The following ITGA2 variants were observed in gnomAD, a reference collection of about 807,000 sequenced individuals.
ITGA2 encodes integrin alpha-2.
ITGA2 carries 101 observed loss-of-function variants against 146.3 expected under a neutral mutation model. That is an observed-to-expected ratio of 0.69 (90% confidence interval 0.59 to 0.81). The LOEUF is 0.81. Ranked by LOEUF, ITGA2 falls within the 40% of genes least tolerant of loss-of-function variation. The pLI, the probability that ITGA2 is intolerant of heterozygous loss-of-function variation, is 0.00. For synonymous variants in ITGA2, 477 were observed against 487.1 expected (o/e 0.98, Z 0.27); for missense variants, 1,281 against 1,402.7 (o/e 0.91, Z 1.39).
intron 1 of ITGA2, among the ~76,000 whole-genome samples, chr5:53,007,588 T>G (rs1367001980): frequency 2.0e-5 from 3 of 152,120 alleles, no homozygotes; most frequent in Admixed American, 6.6e-5. Context: ...GAAAGTGACT[T>G]CATGAGATGG....
At chr5:53,087,095 C>G (rs2303120) in intron 28 of ITGA2, 54 bp downstream of exon 28, 143 of 1,231,732 alleles carry the variant, frequency 1.2e-4, no homozygotes, top group Admixed American at 2.7e-4. Flanking sequence ...TGGCATTCCA[C>G]TTCTAAAAGC....
intron 1 of ITGA2, among the ~76,000 whole-genome samples, chr5:53,022,151 T>C (rs979658511): frequency 6.6e-6 from 1 of 152,248 alleles, no homozygotes; most frequent in African/African-American, 2.4e-5. Context: ...TGTTTTGTTT[T>C]ATACATTATT....
chr5:53,000,944 C>T (rs1226303516), intron 1 of ITGA2, among the ~76,000 whole-genome samples: 1 of 131,228 alleles, frequency 7.6e-6, no homozygotes, highest in Non-Finnish European at 1.6e-5. Flanking sequence ...CTCTGTTGTC[C>T]AGGCTGGAGT....
intron 2 of ITGA2, among the ~76,000 whole-genome samples, chr5:53,030,110 C>T (rs528746415): frequency 4.6e-5 from 7 of 152,274 alleles, no homozygotes; most frequent in Non-Finnish European, 5.9e-5. Flanking sequence ...TTGAACAAGA[C>T]GAAAAGGGAC....
intron 1 of ITGA2, among the ~76,000 whole-genome samples, chr5:53,020,805 C>T (rs1161290067): frequency 2.6e-5 from 4 of 151,528 alleles, no homozygotes; most frequent in Non-Finnish European, 5.9e-5. Flanking sequence ...CCTCAGCCTC[C>T]CGAGTAGCTG....
intron 25 of ITGA2, among the ~76,000 whole-genome samples, 188 bp from the exon 26 acceptor site, chr5:53,081,404 C>T (rs527800746): frequency 1.1e-4 from 16 of 152,300 alleles, no homozygotes; most frequent in South Asian, 4.1e-4. Flanking sequence ...CAGTTCACAT[C>T]AGGAGCATTT....
chr5:53,048,847 T>G, intron 6 of ITGA2, 77 bp downstream of exon 6: 1 of 1,511,764 alleles, frequency 6.6e-7, no homozygotes, highest in Non-Finnish European at 9.1e-7. Context: ...AAGTCTTAAT[T>G]TTTGTATTTG....
Position 53,024,490 on chromosome 5 carries a change from A to G in ITGA2, c.65-2258A>G, listed in dbSNP as rs79656039. ...GTGCTGAGAAAGTAAGAGTGAATAA[A>G]AGAAACAAGGTTTGACTTCTCAAGG... On this transcript the variant is annotated intron_variant, in intron 1 of 29. Transcript: ENST00000296585. Among the ~76,000 whole-genome samples, 833 of 152,346 alleles carry G rather than the reference A, an allele frequency of 5.5e-3. 5 individuals are homozygous for G. The highest frequency in any genetic ancestry group is 0.019 in the African/African-American group (801 of 41,568).
At chr5:53,005,016 GGTGAT>G (rs1283354407) in intron 1 of ITGA2, among the ~76,000 whole-genome samples, 1 of 141,336 alleles carries the variant, frequency 7.1e-6, no homozygotes, top group Non-Finnish European at 1.5e-5. Context: ...GATTTCCTGT[GGTGAT>G]GTATGTGTTC....
intron 1 of ITGA2, among the ~76,000 whole-genome samples, chr5:52,997,933 T>A (rs993651358): frequency 6.6e-6 from 1 of 152,230 alleles, no homozygotes; most frequent in African/African-American, 2.4e-5. Flanking sequence ...GGGGCACTTT[T>A]ATGTAATCTT....
chr5:53,090,014 A>G lies in ITGA2; in HGVS notation c.3417A>G (p.Ile1139Met). The G allele has an allele frequency of 6.2e-7, 1 of 1,613,468 alleles. No homozygotes were observed. The highest frequency in any genetic ancestry group is 8.5e-7 in the Non-Finnish European group (1 of 1,179,436). ...EVPTGVIIGS[I>M]IAGILLLLAL... is the part of the protein sequence containing the mutation. ...CAACAGGAGTTATAATAGGAAGTAT[A>G]ATTGCTGGAATCCTTTTGCTGTTAG... The change falls in exon 29 of 30, where the codon ATA becomes ATG. Residue 1139 changes from isoleucine (I) to methionine (M), a missense_variant. Physicochemically the swap from Ile to Met is conservative, Grantham distance 10. This residue lies in a region of ITGA2 where 475 missense variants were observed against 530.5 expected (regional missense o/e 0.90). Coordinates refer to ENST00000296585, the MANE Select transcript of ITGA2 (RefSeq NM_002203.4).
At chr5:53,020,721 A>T (rs1341462330) in intron 1 of ITGA2, among the ~76,000 whole-genome samples, 1 of 150,894 alleles carries the variant, frequency 6.6e-6, no homozygotes, top group Non-Finnish European at 1.5e-5. Context: ...TCACTCTGTC[A>T]CCCAGGCTGG....
intron 7 of ITGA2, among the ~76,000 whole-genome samples, chr5:53,051,789 G>A (rs1744382103): frequency 6.6e-6 from 1 of 152,112 alleles, no homozygotes; most frequent in Non-Finnish European, 1.5e-5. Flanking sequence ...GATATCACAT[G>A]ATATTTAAAT....
At chr5:53,056,975 A>G (rs1196241568) in intron 9 of ITGA2, among the ~76,000 whole-genome samples, 1 of 151,996 alleles carries the variant, frequency 6.6e-6, no homozygotes, top group Non-Finnish European at 1.5e-5. Flanking sequence ...TTATTCATTC[A>G]TATACTCAAA....
intron 13 of ITGA2, among the ~76,000 whole-genome samples, chr5:53,063,509 G>A (rs1744997271): frequency 6.6e-6 from 1 of 150,946 alleles, no homozygotes; most frequent in Non-Finnish European, 1.5e-5. Context: ...TTTCCAATTT[G>A]TGGACTGAAC....
At chr5:53,051,339 T>C (rs1744350263) in intron 6 of ITGA2, 72 bp from the exon 7 acceptor site, 2 of 1,517,812 alleles carry the variant, frequency 1.3e-6, no homozygotes, top group Non-Finnish European at 9.1e-7. Flanking sequence ...TTTTGATTTT[T>C]ATTTTATTGG....
intron 28 of ITGA2, among the ~76,000 whole-genome samples, chr5:53,088,685 CAAA>C (rs5867861): frequency 3.8e-5 from 4 of 105,878 alleles, no homozygotes; most frequent in Admixed American, 9.4e-5. Context: ...GACTCTGTCT[CAAA>C]AAAAAAAAAA....
In ITGA2 at chr5:53,038,952, G is replaced by A. The variant is rs143104357; in HGVS notation, c.186-3160G>A. 8.3e-4 allele frequency among the ~76,000 whole-genome samples: 127 copies of A among 152,186 alleles called. 1 individual carries two copies. Among genetic ancestry groups the A allele is most frequent in the African/African-American group, 2.9e-3 (121 of 41,538 alleles). On this transcript the variant is annotated intron_variant, in intron 2 of 29. Transcript: ENST00000296585. Reference sequence around the variant, plus strand: ...TTAAAAAAGTGCAAAAGATAGCTGGGCATAGTGGTACATGTCTATAATCCC... The same window carrying A: ...TTAAAAAAGTGCAAAAGATAGCTGGACATAGTGGTACATGTCTATAATCCC...
Position 53,094,078 on chromosome 5 carries a change from T to C in ITGA2, c.*3479T>C, listed in dbSNP as rs1023277114. The C allele has an allele frequency of 6.6e-6, 1 of 152,626 alleles. No individual in the cohort carries two copies. Among genetic ancestry groups the C allele is most frequent in the Non-Finnish European group, 1.5e-5 (1 of 68,022 alleles). 9.5% of individuals were successfully genotyped at this position (152,626 alleles called of 1,614,324 possible). On this transcript the variant is annotated 3_prime_UTR_variant, in exon 30 of 30. Transcript: ENST00000296585. ...TAATGTATTTACCTGTCCTGATATA[T>C]AGCTATAACCCAATATATGAAAATC...
Sources: allele counts gnomAD v4.1 joint callset (sites outside exome capture counted in the v4.1 genomes callset), GRCh38; gene constraint gnomAD v4.1.1; regional missense constraint gnomAD v4.1.1; transcripts MANE v1.5; gene names NCBI Gene and HGNC (gene_info 2026-07-23, HGNC 2026-07-21).